The following SAXO1 variants were observed in gnomAD, a reference collection of about 807,000 sequenced individuals.
SAXO1 encodes the protein stabilizer of axonemal microtubules 1, also known as 4930500O09Rik.
SAXO1 carries 21 observed loss-of-function variants against 17.5 expected under a neutral mutation model. The observed-to-expected ratio is 1.20, with a 90% confidence interval of 0.85 to 1.72. The LOEUF (loss-of-function observed/expected upper bound fraction) is 1.72, where lower values mean the gene tolerates loss of function less well. Ranked by LOEUF, SAXO1 falls within the 40% of genes most tolerant of loss-of-function variation. The probability of loss-of-function intolerance (pLI) is 0.00; values close to 1 mark genes in which losing one functional copy is unlikely to be tolerated. For missense variants in SAXO1, 843 were observed against 596.0 expected (o/e 1.41, Z -4.32); for synonymous variants, 274 against 216.5 (o/e 1.27, Z -2.33).
intron 1 of SAXO1, among the ~76,000 whole-genome samples, chr9:18,996,403 G>T (rs150763376): frequency 6.6e-6 from 1 of 152,296 alleles, no homozygotes; most frequent in Non-Finnish European, 1.5e-5. Context: ...TATAAACCTA[G>T]GCTATATGGT....
At chr9:19,048,460 A>AG (rs756625522) in intron 1 of SAXO1, among the ~76,000 whole-genome samples, 14 of 151,392 alleles carry the variant, frequency 9.2e-5, no homozygotes, top group Non-Finnish European at 1.8e-4. Flanking sequence ...CCGTCTCAAA[A>AG]GAAAAAAAAA....
intron 1 of SAXO1, among the ~76,000 whole-genome samples, chr9:18,994,901 T>C (rs1432883590): frequency 1.3e-5 from 2 of 152,212 alleles, no homozygotes; most frequent in African/African-American, 4.8e-5. Context: ...GACCTGTTAG[T>C]GAGCTAACAA....
At chr9:18,969,381 C>G (rs887501556) in intron 1 of SAXO1, among the ~76,000 whole-genome samples, 1 of 152,132 alleles carries the variant, frequency 6.6e-6, no homozygotes, top group Admixed American at 6.5e-5. Flanking sequence ...AATCTAGGAC[C>G]CTGTGAATTT....
intron 1 of SAXO1, among the ~76,000 whole-genome samples, chr9:19,016,976 AG>A (rs962806114): frequency 2.6e-5 from 4 of 151,906 alleles, no homozygotes; most frequent in African/African-American, 9.7e-5. Flanking sequence ...CATGTGACCA[AG>A]GCCTGGTCAA....
rs889609346 is a variant in SAXO1 at position 19,032,562 on chromosome 9, C to A, written c.38+309G>T. On this transcript the variant is annotated intron_variant, in intron 1 of 3. Coordinates refer to ENST00000380534, the MANE Select transcript of SAXO1 (RefSeq NM_153707.4). ...GACTGGTCCCACTGGGCCAGGTGTTCTCCCTCCTTGGCTGACACTTTCTGG... is the reference window on the plus strand; with the variant it reads ...GACTGGTCCCACTGGGCCAGGTGTTATCCCTCCTTGGCTGACACTTTCTGG... 2.0e-5 allele frequency among the ~76,000 whole-genome samples: 3 copies of A among 152,342 alleles called. No homozygotes were observed. In the East Asian group the frequency reaches 5.8e-4, roughly 29 times the overall value.
Position 18,938,725 on chromosome 9 carries a change from T to C in SAXO1, c.421+2912A>G, listed in dbSNP as rs186830609. Among the ~76,000 whole-genome samples the C allele has an allele frequency of 2.6e-5, 4 of 152,088 alleles. No homozygotes were observed. The East Asian group carries it at 7.7e-4, about 29-fold the overall frequency. On this transcript the variant is annotated intron_variant, in intron 3 of 3. Coordinates refer to ENST00000380534, the MANE Select transcript of SAXO1 (RefSeq NM_153707.4). The stretch of plus-strand genomic sequence containing the variant: ...AGTTTGAAGAGGACAGCCTGAGATG[T>C]AGCTGTATGGACAAAGGGAGAGACA...
intron 1 of SAXO1, among the ~76,000 whole-genome samples, chr9:19,010,637 A>G (rs141852600): frequency 1.7e-3 from 254 of 152,304 alleles, no homozygotes; most frequent in African/African-American, 5.8e-3. Context: ...ATATAGAAAT[A>G]TATTATTTGG....
In SAXO1 at chr9:18,956,479, A is replaced by T. The variant is rs149713766; in HGVS notation, c.39-5542T>A. Reference sequence around the variant, plus strand: ...TGTCTTGCCTCCACCAGTCTTCTGGATCCCCTGCTGAGCCTAGCCTCATGT... The same window carrying T: ...TGTCTTGCCTCCACCAGTCTTCTGGTTCCCCTGCTGAGCCTAGCCTCATGT... On this transcript the variant is annotated intron_variant, in intron 1 of 3. Transcript: ENST00000380534. 2.3e-3 allele frequency among the ~76,000 whole-genome samples: 350 copies of T among 152,222 alleles called. 2 individuals are homozygous for T. Among genetic ancestry groups the T allele is most frequent in the African/African-American group, 8.0e-3 (333 of 41,548 alleles).
intron 1 of SAXO1, among the ~76,000 whole-genome samples, chr9:18,967,405 CT>C (rs576906443): frequency 1.3e-3 from 202 of 152,292 alleles, no homozygotes; most frequent in Middle Eastern, 6.8e-3. Flanking sequence ...CTATAGACCC[CT>C]GACTGGGGCT....
intron 1 of SAXO1, among the ~76,000 whole-genome samples, chr9:18,979,225 C>T (rs1833271974): frequency 6.6e-6 from 1 of 152,110 alleles, no homozygotes; most frequent in African/African-American, 2.4e-5. Context: ...AATAGATTTC[C>T]CAATTAACTG....
At chr9:18,943,639 G>T (rs1350253706) in intron 2 of SAXO1, among the ~76,000 whole-genome samples, 1 of 152,170 alleles carries the variant, frequency 6.6e-6, no homozygotes, top group African/African-American at 2.4e-5. Flanking sequence ...CTCTCAGAAG[G>T]GATGGACAGG....
chr9:18,949,466 AT>A (rs1554669690), intron 2 of SAXO1, among the ~76,000 whole-genome samples: 1 of 151,678 alleles, frequency 6.6e-6, no homozygotes, highest in Non-Finnish European at 1.5e-5. Context: ...TAAAAAAAAA[AT>A]TTTTTTTAAG....
intron 3 of SAXO1, 108 bp from the exon 4 acceptor site, chr9:18,929,163 G>C: frequency 7.9e-7 from 1 of 1,258,518 alleles, no homozygotes; most frequent in Non-Finnish European, 1.1e-6. Context: ...AGTGTTCTTT[G>C]AGACAAAGAA....
At chr9:19,034,842 G>C (rs1314326805), upstream of SAXO1, among the ~76,000 whole-genome samples, 1 of 152,174 alleles carries the variant, frequency 6.6e-6, no homozygotes, top group Non-Finnish European at 1.5e-5. Flanking sequence ...CTGGACACCA[G>C]CCTTCTCTTG....
chr9:18,962,339 A>G (rs1254583388), intron 1 of SAXO1, among the ~76,000 whole-genome samples: 3 of 152,220 alleles, frequency 2.0e-5, no homozygotes, highest in Admixed American at 2.0e-4. Context: ...AAGTGCTGGG[A>G]TTACAGGCAT....
intron 3 of SAXO1, among the ~76,000 whole-genome samples, chr9:18,938,822 G>GTGTGTGTGTGTA (rs1831415900): frequency 2.5e-5 from 1 of 39,782 alleles, no homozygotes; most frequent in South Asian, 7.4e-4. Context: ...GCGTGCGTGC[G>GTGTGTGTGTGTA]TGTGTGTGTG....
intron 1 of SAXO1, among the ~76,000 whole-genome samples, chr9:19,003,038 A>T (rs1261752459): frequency 6.6e-6 from 1 of 152,232 alleles, no homozygotes. Flanking sequence ...AAGCAACTTC[A>T]GCAAAGTCTC....
chr9:19,027,726 G>T, intron 1 of SAXO1: 5 of 1,423,838 alleles, frequency 3.5e-6, no homozygotes, highest in Non-Finnish European at 3.9e-6. Flanking sequence ...CACTTTGACA[G>T]CGAGAAGTCC....
intron 1 of SAXO1, among the ~76,000 whole-genome samples, chr9:18,984,619 C>T (rs2131827550): frequency 6.6e-6 from 1 of 152,332 alleles, no homozygotes; most frequent in South Asian, 2.1e-4. Flanking sequence ...TCTGCAGCTT[C>T]CTCACCTCTT....
Sources: allele counts gnomAD v4.1 joint callset (sites outside exome capture counted in the v4.1 genomes callset), GRCh38; gene constraint gnomAD v4.1.1; transcripts MANE v1.5; gene names NCBI Gene and HGNC (gene_info 2026-07-23, HGNC 2026-07-21).